The following OSMR variants were observed in gnomAD, a reference collection of about 807,000 sequenced individuals.
The protein encoded by OSMR is oncostatin M receptor.
OSMR carries 81 observed loss-of-function variants against 99.9 expected under a neutral mutation model. The ratio of observed to expected loss-of-function variants is 0.81; its 90% CI spans 0.68 to 0.97. OSMR has a LOEUF of 0.97. OSMR is among the 50% of genes least tolerant of loss of function. The pLI is 0.00. For missense variants in OSMR, 1,099 were observed against 1,153.4 expected, an observed-to-expected ratio of 0.95 and a Z score of 0.68; for synonymous variants, 406 against 410.4, an observed-to-expected ratio of 0.99 and a Z score of 0.13.
At chr5:38,924,973 T>C in intron 14 of OSMR, 1 of 409,124 alleles carries the variant, frequency 2.4e-6, no homozygotes, top group Middle Eastern at 1.2e-3. Flanking sequence ...TTTGGCTGGA[T>C]CACTAGTACC....
intron 11 of OSMR, among the ~76,000 whole-genome samples, chr5:38,920,629 C>G (rs1180749685): frequency 1.3e-5 from 2 of 152,126 alleles, no homozygotes; most frequent in African/African-American, 2.4e-5. Flanking sequence ...TATTTTGATG[C>G]CCTATAAAAA....
chr5:38,882,356 C>T (rs1406175085), intron 4 of OSMR, among the ~76,000 whole-genome samples: 2 of 152,182 alleles, frequency 1.3e-5, no homozygotes, highest in Non-Finnish European at 2.9e-5. Flanking sequence ...GGGTGGATCA[C>T]TTGAGGTCAG....
Position 38,881,594 on chromosome 5 carries a change from G to A in OSMR, c.248G>A (p.Gly83Glu), listed in dbSNP as rs770052542. The A allele has an allele frequency of 6.8e-6, 11 of 1,614,110 alleles. No homozygotes were observed. The East Asian group carries it at 1.3e-4, about 20-fold the overall frequency. ...RIETSNVIWVGNYSTTVKWNQ... is the reference protein window; with the variant it reads ...RIETSNVIWVENYSTTVKWNQ... Reference sequence around the variant, plus strand: ...CAATTGTTTTCTCTTTGCTTTTAGGGGAATTACAGCACCACTGTGAAGTGG... The same window carrying A: ...CAATTGTTTTCTCTTTGCTTTTAGGAGAATTACAGCACCACTGTGAAGTGG... The change falls in exon 4 of 18, where the codon GGG becomes GAG. Residue 83 changes from glycine to glutamate, a missense_variant and splice_region_variant. Coordinates refer to ENST00000274276, the MANE Select transcript of OSMR (RefSeq NM_003999.3).
chr5:38,865,397 A>T lies in OSMR; in HGVS notation c.-13-3635A>T, dbSNP rs574217746. ...TATGGATTTGCTTTCATAGGGAAAA[A>T]TTTTTTTCCTATAGCTGTATCAATA... On this transcript the variant is annotated intron_variant, in intron 1 of 17. Coordinates refer to ENST00000274276, the MANE Select transcript of OSMR (RefSeq NM_003999.3). Among the ~76,000 whole-genome samples the T allele has an allele frequency of 2.0e-4, 31 of 152,112 alleles. No individual in the cohort carries two copies. In the South Asian group the frequency reaches 4.2e-3, roughly 20 times the overall value.
At chr5:38,927,790 G>C (rs1013467410) in intron 15 of OSMR, among the ~76,000 whole-genome samples, 2 of 152,174 alleles carry the variant, frequency 1.3e-5, no homozygotes, top group African/African-American at 4.8e-5. Flanking sequence ...CAGCTGGCTT[G>C]AATTTCTCTT....
intron 7 of OSMR, among the ~76,000 whole-genome samples, chr5:38,888,082 G>C (rs1743911011): frequency 6.6e-6 from 1 of 152,160 alleles, no homozygotes; most frequent in South Asian, 2.1e-4. Flanking sequence ...AGACGGAGGA[G>C]GGATTTGAAC....
In OSMR at chr5:38,860,400, C is replaced by T. The variant is rs150280168; in HGVS notation, c.-13-8632C>T. 1.4e-3 allele frequency among the ~76,000 whole-genome samples: 219 copies of T among 152,342 alleles called. 1 individual carries two copies. The highest frequency in any genetic ancestry group is 5.1e-3 in the African/African-American group (212 of 41,586). ...ATTTGCATAGGTTGAACCATCCCTG[C>T]ATCCCGGGGATAAATCCCACTTGAT... On this transcript the variant is annotated intron_variant, in intron 1 of 17. Transcript: ENST00000274276.
chr5:38,890,100 A>G (rs1271419003), intron 7 of OSMR, among the ~76,000 whole-genome samples: 1 of 152,230 alleles, frequency 6.6e-6, no homozygotes, highest in Non-Finnish European at 1.5e-5. Flanking sequence ...TTTTTAACAA[A>G]AATTCACTGT....
downstream of OSMR, chr5:38,940,078 G>C (rs539300048): frequency 9.7e-6 from 2 of 205,822 alleles, no homozygotes; most frequent in East Asian, 7.0e-5. Flanking sequence ...CCCAAAGTAA[G>C]TGATATAGGC....
chr5:38,944,105 AATCC>A, intron 1 of OSMR: 2 of 391,140 alleles, frequency 5.1e-6, no homozygotes, highest in South Asian at 3.9e-5. Context: ...TTTAAAAATA[AATCC>A]ATTACATGTT....
intron 9 of OSMR, among the ~76,000 whole-genome samples, chr5:38,911,299 A>T (rs1223080144): frequency 6.6e-6 from 1 of 152,186 alleles, no homozygotes; most frequent in Non-Finnish European, 1.5e-5. Flanking sequence ...TACTGTGAGC[A>T]CCTTTTTGGA....
At chr5:38,904,134 G>T in intron 8 of OSMR, 110 bp downstream of exon 8, 1 of 1,549,384 alleles carries the variant, frequency 6.5e-7, no homozygotes, top group Non-Finnish European at 8.7e-7. Context: ...GGTTCAAATG[G>T]TGTGGGTCAT....
At chr5:38,932,087 G>C in intron 16 of OSMR, 123 bp downstream of exon 16, 2 of 812,554 alleles carry the variant, frequency 2.5e-6, no homozygotes, top group Admixed American at 4.3e-5. Context: ...AAAGAACAAA[G>C]GAGGCTGGGG....
At position 38,904,422 on chromosome 5, in the gene OSMR, G is replaced by C. The variant is rs1222820413; in HGVS notation, c.1204G>C (p.Ala402Pro). 1 of 1,614,138 alleles carries C rather than the reference G, an allele frequency of 6.2e-7. No homozygotes were observed. The highest frequency in any genetic ancestry group is 8.5e-7 in the Non-Finnish European group (1 of 1,180,022). ...ACTGGAACCTGCCACAGAGTACATG[G>C]CGCGAGTACGGTGTGCTGATGCCAG... ...SELEPATEYM[A>P]RVRCADASHF... is the part of the protein sequence containing the mutation. The change falls in exon 9 of 18, where the codon GCG (alanine) becomes CCG (proline). Residue 402 changes from alanine (A) to proline (P), a missense_variant. Physicochemically the swap from Ala to Pro is conservative, Grantham distance 27 (BLOSUM62 -1). Coordinates refer to ENST00000274276, the MANE Select transcript of OSMR (RefSeq NM_003999.3).
chr5:38,869,058 C>T lies in OSMR; in HGVS notation c.14C>T (p.Ala5Val), dbSNP rs763983455. The T allele has an allele frequency of 1.7e-5, 27 of 1,613,642 alleles. No homozygotes were observed. The highest frequency in any genetic ancestry group is 2.3e-5 in the Non-Finnish European group (27 of 1,179,582). The change falls in exon 2 of 18, where the codon GCA (alanine) becomes GTA (valine). Residue 5 changes from alanine to valine, a missense_variant. Coordinates refer to ENST00000274276, the MANE Select transcript of OSMR (RefSeq NM_003999.3). Reference sequence around the variant, plus strand: ...AAACCAGAACTGATGGCTCTATTTGCAGTCTTTCAGACAACATTCTTCTTA... The same window carrying T: ...AAACCAGAACTGATGGCTCTATTTGTAGTCTTTCAGACAACATTCTTCTTA... MALF[A>V]VFQTTFFLTL...
intron 7 of OSMR, among the ~76,000 whole-genome samples, chr5:38,889,059 C>G (rs1469945585): frequency 2.6e-5 from 4 of 151,732 alleles, no homozygotes; most frequent in African/African-American, 9.7e-5. Flanking sequence ...CTATTTTTTT[C>G]CCCATTAGAA....
chr5:38,855,856 T>A (rs1364611995), intron 1 of OSMR, among the ~76,000 whole-genome samples: 1 of 152,164 alleles, frequency 6.6e-6, no homozygotes, highest in Admixed American at 6.5e-5. Context: ...GTGGCTCCCA[T>A]CTGGCCCAGA....
chr5:38,918,588 C>A, intron 10 of OSMR: 1 of 220,122 alleles, frequency 4.5e-6, no homozygotes, highest in Non-Finnish European at 7.7e-6. Flanking sequence ...CTGACCTGAG[C>A]ACTCTTCTCA....
rs1373890823 is a variant in OSMR at position 38,859,897 on chromosome 5, T to C, written c.-13-9135T>C. 7.9e-5 allele frequency among the ~76,000 whole-genome samples: 12 copies of C among 152,216 alleles called. No individual in the cohort carries two copies. In the East Asian group the frequency reaches 2.3e-3, roughly 29 times the overall value. ...TTTCAATCAGTTTGTTCTTAGTGTA[T>C]AGAAACACTACTAGTTTTTCTATGT... On this transcript the variant is annotated intron_variant, in intron 1 of 17. Coordinates refer to ENST00000274276, the MANE Select transcript of OSMR (RefSeq NM_003999.3).
Sources: gnomAD v4.1 joint callset for allele counts (sites outside exome capture counted in the v4.1 genomes callset) on GRCh38, gnomAD v4.1.1 for gene constraint, MANE v1.5 for transcripts, NCBI Gene and HGNC (gene_info 2026-07-23, HGNC 2026-07-21) for gene names.